Variants in IL1RAPL2 observed in about 807,000 individuals in gnomAD.
IL1RAPL2 encodes interleukin 1 receptor accessory protein like 2, also known as X-linked interleukin-1 receptor accessory protein-like 2.
IL1RAPL2 carries 3 observed loss-of-function variants against 44.1 expected under a neutral mutation model. The observed-to-expected ratio is 0.07, with a 90% CI of 0.03 to 0.18. IL1RAPL2 has a LOEUF of 0.18. Ranked by LOEUF, IL1RAPL2 falls within the 10% of genes least tolerant of loss-of-function variation. The pLI, the probability that IL1RAPL2 is intolerant of heterozygous loss-of-function variation, is 1.00. For synonymous variants in IL1RAPL2, 181 were observed against 178.8 expected (o/e 1.01, Z -0.10); for missense variants, 391 against 496.4 (o/e 0.79, Z 2.02).
chrX:104,895,199 G>A (rs1009347778), intron 2 of IL1RAPL2, among the ~76,000 whole-genome samples: 43 of 112,250 alleles, frequency 3.8e-4, no homozygotes, highest in Non-Finnish European at 7.1e-4. Context: ...GCCCCTACTG[G>A]GGGGTGCCTC....
chrX:104,906,290 C>T (rs1459103637), intron 2 of IL1RAPL2, among the ~76,000 whole-genome samples: 3 of 110,489 alleles, frequency 2.7e-5, no homozygotes, highest in Non-Finnish European at 5.7e-5. Flanking sequence ...ATTGAATACC[C>T]TTTATTTCCT....
chrX:105,083,946 T>A (rs2032446688), intron 2 of IL1RAPL2, among the ~76,000 whole-genome samples: 1 of 111,779 alleles, frequency 8.9e-6, no homozygotes, highest in Non-Finnish European at 1.9e-5. Flanking sequence ...AAAGACAGGA[T>A]CGAATTAACA....
At chrX:105,718,812 G>A (rs1297704971) in intron 7 of IL1RAPL2, among the ~76,000 whole-genome samples, 3 of 110,981 alleles carry the variant, frequency 2.7e-5, no homozygotes, top group Non-Finnish European at 3.8e-5. Flanking sequence ...GCCAGGCATC[G>A]TGCTATGTGC....
At chrX:105,183,350 G>A (rs1395442985) in intron 2 of IL1RAPL2, among the ~76,000 whole-genome samples, 1 of 111,744 alleles carries the variant, frequency 8.9e-6, no homozygotes, top group Non-Finnish European at 1.9e-5. Flanking sequence ...AGCAGCAGCA[G>A]TTGTATGCAG....
intron 2 of IL1RAPL2, among the ~76,000 whole-genome samples, chrX:104,883,518 C>T (rs1308052488): frequency 9.0e-6 from 1 of 111,373 alleles, no homozygotes; most frequent in African/African-American, 3.3e-5. Flanking sequence ...TCATGTTGCC[C>T]AAGCGAGACT....
chrX:105,573,084 G>A (rs2037026286), intron 6 of IL1RAPL2, among the ~76,000 whole-genome samples: 2 of 110,850 alleles, frequency 1.8e-5, no homozygotes, highest in South Asian at 7.6e-4. Flanking sequence ...TCGAGACAAG[G>A]TCTCACTCCT....
intron 6 of IL1RAPL2, among the ~76,000 whole-genome samples, chrX:105,685,059 A>C (rs1468519299): frequency 8.9e-6 from 1 of 111,949 alleles, no homozygotes; most frequent in Non-Finnish European, 1.9e-5. Context: ...GGTCACCAAC[A>C]TCAAAGACCA....
chrX:104,735,820 A>C (rs1458191121), intron 2 of IL1RAPL2, among the ~76,000 whole-genome samples: 1 of 111,441 alleles, frequency 9.0e-6, no homozygotes, highest in Non-Finnish European at 1.9e-5. Context: ...TGTGATACAC[A>C]AGCTGTGATA....
intron 2 of IL1RAPL2, among the ~76,000 whole-genome samples, chrX:105,140,757 T>C (rs150776600): frequency 7.7e-4 from 87 of 112,667 alleles, no homozygotes; most frequent in African/African-American, 2.7e-3. Context: ...AGGGTTGTAA[T>C]ATAAAATTAT....
chrX:104,585,322 A>ATATATTATATAT (rs1347233369), intron 1 of IL1RAPL2, among the ~76,000 whole-genome samples: 3,831 of 20,542 alleles, frequency 0.19, 624 homozygotes, highest in African/African-American at 0.25. Flanking sequence ...AATATATATT[A>ATATATTATATAT]TATATAATAT....
chrX:105,399,623 G>T (rs1373785393), intron 5 of IL1RAPL2, among the ~76,000 whole-genome samples: 1 of 111,407 alleles, frequency 9.0e-6, no homozygotes, highest in Non-Finnish European at 1.9e-5. Context: ...TTGGATGAAT[G>T]AATGTATGAT....
chrX:105,350,895 T>C (rs1469309227), intron 5 of IL1RAPL2, among the ~76,000 whole-genome samples: 1 of 111,143 alleles, frequency 9.0e-6, no homozygotes, highest in East Asian at 2.8e-4. Context: ...AGGGCTAATA[T>C]CCAGAATCTA....
intron 2 of IL1RAPL2, among the ~76,000 whole-genome samples, chrX:105,027,066 A>G (rs752816049): frequency 6.7e-4 from 75 of 111,706 alleles, no homozygotes; most frequent in Admixed American, 3.1e-3. Flanking sequence ...AAAAGCATAC[A>G]CTGGGGAAAA....
At chrX:104,930,018 T>C (rs754919266) in intron 2 of IL1RAPL2, among the ~76,000 whole-genome samples, 3 of 111,954 alleles carry the variant, frequency 2.7e-5, no homozygotes, top group Non-Finnish European at 5.6e-5. Flanking sequence ...GTGTTCTTTT[T>C]CGACATTAAC....
chrX:104,967,276 T>G (rs2030142961), intron 2 of IL1RAPL2, among the ~76,000 whole-genome samples: 1 of 111,157 alleles, frequency 9.0e-6, no homozygotes, highest in African/African-American at 3.3e-5. Flanking sequence ...AAAACACACT[T>G]TTAGAAAAAT....
intron 2 of IL1RAPL2, among the ~76,000 whole-genome samples, chrX:104,730,373 C>CAT (rs1295542381): frequency 3.2e-5 from 2 of 63,218 alleles, no homozygotes; most frequent in Admixed American, 1.8e-4. Flanking sequence ...TCCCTCCCCT[C>CAT]CCCCCCACCC....
chrX:104,702,030 G>C (rs947167735), intron 2 of IL1RAPL2, among the ~76,000 whole-genome samples: 2 of 111,150 alleles, frequency 1.8e-5, no homozygotes, highest in Non-Finnish European at 3.8e-5. Context: ...ATCTTATTCT[G>C]TCTATAAATT....
At chrX:104,714,481 G>A (rs1301799167) in intron 2 of IL1RAPL2, among the ~76,000 whole-genome samples, 3 of 110,578 alleles carry the variant, frequency 2.7e-5, no homozygotes, top group African/African-American at 6.6e-5. Context: ...TCTTCCTTCG[G>A]CTCTCATTCC....
intron 2 of IL1RAPL2, among the ~76,000 whole-genome samples, chrX:104,720,314 A>G (rs974148582): frequency 1.8e-5 from 2 of 111,817 alleles, no homozygotes; most frequent in Admixed American, 9.5e-5. Flanking sequence ...GAGATCCAAG[A>G]TGAACAAAAA....
Sources: gnomAD v4.1 joint callset for allele counts (sites outside exome capture counted in the v4.1 genomes callset) on GRCh38, gnomAD v4.1.1 for gene constraint, MANE v1.5 for transcripts, NCBI Gene and HGNC (gene_info 2026-07-23, HGNC 2026-07-21) for gene names.